FBN2: variants seen among roughly 807,000 people sequenced by gnomAD.
The protein encoded by FBN2 is fibrillin-2.
In FBN2, 105 loss-of-function variants were observed where a neutral mutation model predicts 355.6. That is an observed-to-expected ratio of 0.30 (90% CI 0.25 to 0.35). FBN2 has a LOEUF of 0.35. Ranked by LOEUF, FBN2 falls within the 10% of genes least tolerant of loss-of-function variation. FBN2 has a pLI of 1.00. For missense variants in FBN2, 3,280 were observed against 3,758.7 expected (o/e 0.87, Z 3.33); for synonymous variants, 1,350 against 1,301.2 (o/e 1.04, Z -0.81).
At position 128,500,430 on chromosome 5, in the gene FBN2, CTTTTTTTTTTTTTTTTT is replaced by C. The variant is rs149068555; in HGVS notation, c.628+18826_628+18842del. On this transcript the variant is annotated intron_variant, in intron 5 of 64. Coordinates refer to ENST00000262464, the MANE Select transcript of FBN2 (RefSeq NM_001999.4). ...TGAAAATGATGAGACTCTGACAATT[CTTTTTTTTTTTTTTTTT>C]TTTTTTTTTTTTTCAGACAGGGTCT... Among the ~76,000 whole-genome samples, 35 of 51,180 alleles carry C rather than the reference CTTTTTTTTTTTTTTTTT, an allele frequency of 6.8e-4. 1 individual carries two copies. The highest frequency in any genetic ancestry group is 2.5e-3 in the African/African-American group (24 of 9,572). 33.6% of individuals were successfully genotyped at this position (51,180 alleles called of 152,430 possible).
At chr5:128,512,752 CT>C (rs943335954) in intron 5 of FBN2, among the ~76,000 whole-genome samples, 5 of 152,034 alleles carry the variant, frequency 3.3e-5, no homozygotes, top group African/African-American at 1.2e-4. Flanking sequence ...TCGCAACATT[CT>C]TTTTTCTCCC....
At position 128,259,780 on chromosome 5, in the gene FBN2, A is replaced by G. The variant is rs770674704; in HGVS notation, c.8414T>C (p.Met2805Thr). The G allele has an allele frequency of 3.7e-6, 6 of 1,613,706 alleles. No homozygotes were observed. The South Asian group carries it at 4.4e-5, about 12-fold the overall frequency. ...ESVDMDSPVNMKFNLSHLGSK... is the reference protein window; with the variant it reads ...ESVDMDSPVNTKFNLSHLGSK... ...GCCGAGGTGGGAGAGGTTGAACTTC[A>G]TGTTGACGGGGCTGTCCATGTCGAC... The change falls in exon 65 of 65, where the codon ATG becomes ACG. Residue 2805 changes from methionine (M) to threonine (T), a missense_variant. Transcript: ENST00000262464.
At chr5:128,442,811 A>G (rs140361317) in intron 7 of FBN2, among the ~76,000 whole-genome samples, 27 of 152,176 alleles carry the variant, frequency 1.8e-4, no homozygotes, top group African/African-American at 6.5e-4. Context: ...AGAAATATGT[A>G]TTTCTTTCTG....
In FBN2 at chr5:128,537,914, AGCG is replaced by A; in HGVS notation, c.-314_-312del. ...AGCCCCGAGCGACTCCAGGACCGTCAGCGGGCGGGGGAGGAAATTACAAAAGCC... is the reference window on the plus strand; with the variant it reads ...AGCCCCGAGCGACTCCAGGACCGTCAGGCGGGGGAGGAAATTACAAAAGCC... On this transcript the variant is annotated 5_prime_UTR_variant, in exon 1 of 65. Transcript: ENST00000262464. The A allele has an allele frequency of 2.3e-6, 1 of 435,198 alleles. No homozygotes were observed. The highest frequency in any genetic ancestry group is 3.8e-5 in the East Asian group (1 of 26,606). 27.0% of individuals were successfully genotyped at this position (435,198 alleles called of 1,614,324 possible).
chr5:128,367,352 A>T (rs569055665), intron 16 of FBN2, among the ~76,000 whole-genome samples: 48 of 152,232 alleles, frequency 3.2e-4, no homozygotes, highest in African/African-American at 1.1e-3. Context: ...ATTTTTAATT[A>T]TACGGAGAGT....
At position 128,263,420 on chromosome 5, in the gene FBN2, C is replaced by T. The variant is rs1039738471; in HGVS notation, c.8192+5G>A. 6.2e-7 allele frequency: 1 copy of T among 1,608,890 alleles called. No homozygotes were observed. ...TCTATGTGCTGAGGCTGAAGGCCGC[C>T]TTACCCTTGTCCCACTCTGTAATAC... is the stretch of plus-strand genomic sequence containing the variant. On this transcript the variant is annotated splice_donor_5th_base_variant and intron_variant, in intron 63 of 64. Transcript: ENST00000262464.
chr5:128,347,790 T>C (rs1751224156), intron 23 of FBN2, among the ~76,000 whole-genome samples: 1 of 152,144 alleles, frequency 6.6e-6, no homozygotes, highest in Non-Finnish European at 1.5e-5. Flanking sequence ...AATGCTTTTT[T>C]TTTTTTGAGA....
chr5:128,387,162 A>T (rs1752387587), intron 11 of FBN2, among the ~76,000 whole-genome samples: 1 of 152,132 alleles, frequency 6.6e-6, no homozygotes, highest in East Asian at 1.9e-4. Context: ...TTCCTGGCTC[A>T]ATCTTGGGAG....
At chr5:128,374,893 G>T (rs1260121551) in intron 14 of FBN2, 143 bp from the exon 15 acceptor site, 2 of 829,104 alleles carry the variant, frequency 2.4e-6, no homozygotes, top group Non-Finnish European at 3.9e-6. Flanking sequence ...GTGGTAACAG[G>T]TATCATATAC....
intron 62 of FBN2, among the ~76,000 whole-genome samples, chr5:128,266,088 G>A (rs1240867886): frequency 6.6e-6 from 1 of 152,128 alleles, no homozygotes; most frequent in Non-Finnish European, 1.5e-5. Context: ...GCTTTTATTA[G>A]TTTCCTGAAG....
Position 128,345,446 on chromosome 5 carries a change from G to T in FBN2, c.3128C>A (p.Pro1043His), listed in dbSNP as rs749784954. The change falls in exon 24 of 65, where the codon CCT (proline) becomes CAT (histidine). Residue 1043 changes from proline to histidine, a missense_variant. This residue lies in a region of FBN2 where 2,284 missense variants were observed against 2,749.5 expected (regional missense o/e 0.83). Coordinates refer to ENST00000262464, the MANE Select transcript of FBN2 (RefSeq NM_001999.4). ...CAGCGTCTCGTATTCCTTGGTGCCA[G>T]GTTTGGGGCACTCCTCACACTCGGT... ...WGTECEECPK[P>H]GTKEYETLCP... 3.7e-6 allele frequency: 6 copies of T among 1,614,130 alleles called. No homozygotes were observed. The South Asian group carries it at 6.6e-5, about 18-fold the overall frequency.
At chr5:128,279,792 C>T (rs1296127135) in intron 56 of FBN2, among the ~76,000 whole-genome samples, 1 of 152,128 alleles carries the variant, frequency 6.6e-6, no homozygotes, top group Non-Finnish European at 1.5e-5. Context: ...TTCTGTACCA[C>T]AATATAAAAA....
At chr5:128,340,180 TAATCTAAA>T (rs1750972014) in intron 25 of FBN2, among the ~76,000 whole-genome samples, 1 of 152,218 alleles carries the variant, frequency 6.6e-6, no homozygotes, top group Admixed American at 6.5e-5. Context: ...CAAAAGTTTT[TAATCTAAA>T]AATCTGTCAG....
chr5:128,272,485 T>TATATAA (rs1329583556), intron 61 of FBN2, among the ~76,000 whole-genome samples: 73 of 147,394 alleles, frequency 5.0e-4, no homozygotes, highest in African/African-American at 1.4e-3. Context: ...TATATATATA[T>TATATAA]AAAATATATT....
At chr5:128,535,992 C>T (rs1756835507) in intron 2 of FBN2, among the ~76,000 whole-genome samples, 1 of 151,902 alleles carries the variant, frequency 6.6e-6, no homozygotes. Flanking sequence ...AAATCTTGAT[C>T]TTCATAAGGC....
At position 128,338,924 on chromosome 5, in the gene FBN2, G is replaced by A. The variant is rs372520452; in HGVS notation, c.3472+9C>T. 7 of 1,613,562 alleles carry A rather than the reference G, an allele frequency of 4.3e-6. No individual in the cohort carries two copies. In the African/African-American group the frequency reaches 5.3e-5, roughly 12 times the overall value. On this transcript the variant is annotated intron_variant, in intron 26 of 64. Transcript: ENST00000262464. Reference sequence around the variant, plus strand: ...TTCAAGCTGGCGAGGAAGAGCTCACGGTGCTTACCCATGCAGTTCTTCATC... The same window carrying A: ...TTCAAGCTGGCGAGGAAGAGCTCACAGTGCTTACCCATGCAGTTCTTCATC...
At chr5:128,460,077 C>G (rs1157099980) in intron 6 of FBN2, among the ~76,000 whole-genome samples, 3 of 152,158 alleles carry the variant, frequency 2.0e-5, no homozygotes, top group East Asian at 3.8e-4. Flanking sequence ...ATCATCTCAG[C>G]CCAAAATCTC....
At chr5:128,421,880 G>A (rs1701224671) in intron 7 of FBN2, among the ~76,000 whole-genome samples, 1 of 152,110 alleles carries the variant, frequency 6.6e-6, no homozygotes. Context: ...GAGAATTATG[G>A]TTGTTAATCA....
At chr5:128,511,079 C>T (rs1055885364) in intron 5 of FBN2, among the ~76,000 whole-genome samples, 2 of 152,114 alleles carry the variant, frequency 1.3e-5, no homozygotes, top group South Asian at 2.1e-4. Flanking sequence ...TAAATGTTAT[C>T]TTCCCTCCAA....
Sources: allele counts gnomAD v4.1 joint callset (sites outside exome capture counted in the v4.1 genomes callset), GRCh38; gene constraint gnomAD v4.1.1; regional missense constraint gnomAD v4.1.1; transcripts MANE v1.5; gene names NCBI Gene and HGNC (gene_info 2026-07-23, HGNC 2026-07-21).